The following AMZ1 variants were observed in gnomAD, a reference collection of about 807,000 sequenced individuals.
AMZ1 encodes the protein archaelysin family metallopeptidase 1.
AMZ1 carries 39 observed loss-of-function variants against 29.9 expected under a neutral mutation model. That is an observed-to-expected ratio of 1.30 (90% CI 1.01 to 1.70). AMZ1 has a LOEUF of 1.70. AMZ1 is among the 40% of genes most tolerant of loss of function. The pLI is 0.00. For missense variants in AMZ1, 1,041 were observed against 680.6 expected, an observed-to-expected ratio of 1.53 and a Z score of -5.89; for synonymous variants, 458 against 304.0, an observed-to-expected ratio of 1.51 and a Z score of -5.27.
upstream of AMZ1, chr7:2,762,499 G>A (rs569333076): frequency 4.6e-5 from 39 of 852,494 alleles, no homozygotes; most frequent in South Asian, 8.6e-4. Flanking sequence ...TGAGGTGTGA[G>A]TAGCCTAACT....
chr7:2,693,712 C>T (rs926295347), intron 1 of AMZ1, among the ~76,000 whole-genome samples: 10 of 152,300 alleles, frequency 6.6e-5, no homozygotes, highest in South Asian at 4.1e-4. Context: ...CCCGCCACCA[C>T]GCCTGGCTAA....
At position 2,717,743 on chromosome 7, in the gene AMZ1, G is replaced by C. The variant is rs1356740394; in HGVS notation, c.*4865G>C. ...CGGCCGGCCGAGCCTTCCCTTTTCT[G>C]ACATCCTACAGCAGCACCTTGATGA... On this transcript the variant is annotated 3_prime_UTR_variant, in exon 7 of 7. Coordinates refer to ENST00000683327, the MANE Select transcript of AMZ1 (RefSeq NM_001384743.1). 6.6e-6 allele frequency among the ~76,000 whole-genome samples: 1 copy of C among 152,134 alleles called. No homozygotes were observed. Among genetic ancestry groups the C allele is most frequent in the Non-Finnish European group, 1.5e-5 (1 of 68,030 alleles).
chr7:2,751,140 C>A (rs1389112131), intron 4 of AMZ1, among the ~76,000 whole-genome samples: 1 of 152,112 alleles, frequency 6.6e-6, no homozygotes, highest in Non-Finnish European at 1.5e-5. Context: ...GTAACCCCAG[C>A]ACTTTAGGAG....
At chr7:2,687,301 TG>T (rs1299044490), upstream of AMZ1, among the ~76,000 whole-genome samples, 2 of 151,650 alleles carry the variant, frequency 1.3e-5, no homozygotes, top group Non-Finnish European at 2.9e-5. Context: ...CACTCCAGCC[TG>T]GGCGACAGAG....
intron 4 of AMZ1, among the ~76,000 whole-genome samples, chr7:2,755,544 T>C (rs373765947): frequency 2.0e-5 from 3 of 152,364 alleles, no homozygotes; most frequent in African/African-American, 7.2e-5. Flanking sequence ...CATGTGTCTA[T>C]TGGTCATTGT....
At chr7:2,681,692 C>T (rs1007686754) in intron 1 of AMZ1, among the ~76,000 whole-genome samples, 2 of 152,158 alleles carry the variant, frequency 1.3e-5, no homozygotes, top group Admixed American at 6.5e-5. Flanking sequence ...TTCGTCCCCA[C>T]GTGCCTGGTC....
chr7:2,750,239 T>C (rs556205655), intron 4 of AMZ1, among the ~76,000 whole-genome samples: 14 of 152,270 alleles, frequency 9.2e-5, no homozygotes, highest in Admixed American at 3.9e-4. Context: ...CAGCTCTGCT[T>C]AGACCCATCA....
At chr7:2,722,410 C>A (rs1452643795), downstream of AMZ1, among the ~76,000 whole-genome samples, 1 of 152,126 alleles carries the variant, frequency 6.6e-6, no homozygotes, top group East Asian at 1.9e-4. Context: ...GTAGCCGGGA[C>A]TACAGGCGCC....
chr7:2,712,931 T>G lies in AMZ1; in HGVS notation c.*53T>G, dbSNP rs892987435. The G allele has an allele frequency of 3.1e-5, 46 of 1,479,558 alleles. No homozygotes were observed. The highest frequency in any genetic ancestry group is 1.8e-4 in the Middle Eastern group (1 of 5,416). The allele number at this position is 1,479,558 out of a possible 1,614,324, so 91.7% of individuals were successfully genotyped here. A position where few individuals can be genotyped will look rare whatever the true frequency, so the allele number is the denominator to read the frequency against. Reference sequence around the variant, plus strand: ...TCCCTAAGGATGCTGGCCAGCACTGTCCAGTAGCTGAGGCCACTACTGACC... The same window carrying G: ...TCCCTAAGGATGCTGGCCAGCACTGGCCAGTAGCTGAGGCCACTACTGACC... On this transcript the variant is annotated 3_prime_UTR_variant, in exon 7 of 7. Coordinates refer to ENST00000683327, the MANE Select transcript of AMZ1 (RefSeq NM_001384743.1).
chr7:2,756,558 T>A (rs1791306300), intron 4 of AMZ1, among the ~76,000 whole-genome samples: 1 of 151,966 alleles, frequency 6.6e-6, no homozygotes, highest in Non-Finnish European at 1.5e-5. Context: ...GAGGCTGCAG[T>A]GAGCCACAAT....
intron 2 of AMZ1, chr7:2,702,512 T>C (rs1788109071): frequency 5.0e-6 from 3 of 595,700 alleles, no homozygotes; most frequent in Non-Finnish European, 8.7e-6. Context: ...CATCTGTGCA[T>C]GAATCTTTCC....
downstream of AMZ1, among the ~76,000 whole-genome samples, chr7:2,723,397 C>G (rs375308959): frequency 4.6e-5 from 7 of 152,368 alleles, no homozygotes; most frequent in East Asian, 7.7e-4. Context: ...AGGTCTGGTT[C>G]AGTTCTTGAT....
chr7:2,707,589 C>T (rs1252721634), intron 3 of AMZ1, among the ~76,000 whole-genome samples: 1 of 152,094 alleles, frequency 6.6e-6, no homozygotes, highest in African/African-American at 2.4e-5. Flanking sequence ...AACTTGCTAG[C>T]TTGGATGACC....
At chr7:2,728,822 T>C (rs1197891163) in intron 4 of AMZ1, 1 of 152,384 alleles carries the variant, frequency 6.6e-6, no homozygotes, top group Non-Finnish European at 1.5e-5. Context: ...TTTAAAAACG[T>C]TCTAATTCAC....
chr7:2,724,103 G>C (rs369921014), downstream of AMZ1, among the ~76,000 whole-genome samples: 1,896 of 151,104 alleles, frequency 0.013, 21 homozygotes, highest in Middle Eastern at 0.024. Flanking sequence ...GATGGGGAGT[G>C]GGGGGGCGGG....
chr7:2,737,614 G>A (rs1368348430), intron 4 of AMZ1, among the ~76,000 whole-genome samples: 1 of 152,138 alleles, frequency 6.6e-6, no homozygotes, highest in Non-Finnish European at 1.5e-5. Context: ...TGCACTTAGT[G>A]AGGTTAACTC....
chr7:2,720,365 A>G (rs542521354), downstream of AMZ1, among the ~76,000 whole-genome samples: 4 of 152,214 alleles, frequency 2.6e-5, no homozygotes, highest in South Asian at 8.3e-4. Context: ...CAAAAAGAGA[A>G]AGACTAGTGT....
chr7:2,734,172 G>A (rs1330980233), intron 4 of AMZ1, among the ~76,000 whole-genome samples: 2 of 152,186 alleles, frequency 1.3e-5, no homozygotes, highest in African/African-American at 4.8e-5. Flanking sequence ...GAATCACCCA[G>A]GACCCCGTTT....
At position 2,746,432 on chromosome 7, in the gene AMZ1, G is replaced by A. The variant is rs971760891; in HGVS notation, n.551-18280G>A. On this transcript the variant is annotated intron_variant and non_coding_transcript_variant, in intron 4 of 4. Coordinates refer to the AMZ1 transcript ENST00000489665. ...CCTAAATGACTACTGGGTACATAATGAAATGAAGGCAGAAATAAAGATGTT... is the reference window on the plus strand; with the variant it reads ...CCTAAATGACTACTGGGTACATAATAAAATGAAGGCAGAAATAAAGATGTT... 4.2e-4 allele frequency among the ~76,000 whole-genome samples: 64 copies of A among 152,134 alleles called. 1 individual carries two copies. Among genetic ancestry groups the A allele is most frequent in the Non-Finnish European group, 8.1e-4 (55 of 68,032 alleles).
Sources: gnomAD v4.1 joint callset for allele counts (sites outside exome capture counted in the v4.1 genomes callset) on GRCh38, gnomAD v4.1.1 for gene constraint, MANE v1.5 for transcripts, NCBI Gene and HGNC (gene_info 2026-07-23, HGNC 2026-07-21) for gene names.